The following MCM5 variants were observed in gnomAD, a reference collection of about 807,000 sequenced individuals.
The protein encoded by MCM5 is minichromosome maintenance complex component 5.
Under a neutral mutation model 79.9 loss-of-function variants are expected in MCM5, and 46 were observed. The ratio of observed to expected loss-of-function variants is 0.58; its 90% confidence interval spans 0.45 to 0.74. The LOEUF (loss-of-function observed/expected upper bound fraction) is 0.74, where lower values mean the gene tolerates loss of function less well. MCM5 is among the 30% of genes least tolerant of loss of function. MCM5 has a pLI of 0.00. For synonymous variants in MCM5, 404 were observed against 390.5 expected (o/e 1.03, Z -0.41); for missense variants, 883 against 1,017.0 (o/e 0.87, Z 1.79).
intron 16 of MCM5, 100 bp downstream of exon 16, chr22:35,423,441 C>A: frequency 7.4e-7 from 1 of 1,354,898 alleles, no homozygotes; most frequent in Non-Finnish European, 9.9e-7. Context: ...GCAGACAGGC[C>A]CTGAACGGGG....
chr22:35,430,647 C>T, the MCM5 span, among the ~76,000 whole-genome samples: 2 of 151,990 alleles, frequency 1.3e-5, no homozygotes, highest in Non-Finnish European at 2.9e-5. Context: ...GGACTACAGG[C>T]GCGTGCCACC....
In MCM5 at chr22:35,400,208, G is replaced by A. The variant is rs529028146; in HGVS notation, c.-9G>A. ...GGTTTGTGAAGTGCGGAAAACCAGAGGTGAGGCTAGTGGGAGTGGGACTGG... is the reference window on the plus strand; with the variant it reads ...GGTTTGTGAAGTGCGGAAAACCAGAAGTGAGGCTAGTGGGAGTGGGACTGG... On this transcript the variant is annotated splice_region_variant and 5_prime_UTR_variant, in exon 1 of 17. Transcript: ENST00000216122. The A allele has an allele frequency of 7.4e-5, 41 of 555,612 alleles. No homozygotes were observed. The highest frequency in any genetic ancestry group is 2.2e-4 in the Admixed American group (7 of 31,700). 34.4% of individuals were successfully genotyped at this position (555,612 alleles called of 1,614,324 possible).
chr22:35,439,063 T>TC, the MCM5 span, among the ~76,000 whole-genome samples: 1 of 108,394 alleles, frequency 9.2e-6, no homozygotes, highest in Non-Finnish European at 1.9e-5. Context: ...ACCCACATAT[T>TC]CATCCATCCA....
the MCM5 span, among the ~76,000 whole-genome samples, chr22:35,437,884 C>G: frequency 6.6e-6 from 1 of 152,146 alleles, no homozygotes; most frequent in Non-Finnish European, 1.5e-5. Flanking sequence ...AAGTGTCAAT[C>G]TAGTCCTATT....
chr22:35,420,123 T>G, intron 14 of MCM5, 111 bp downstream of exon 14: 1 of 1,294,680 alleles, frequency 7.7e-7, no homozygotes, highest in Non-Finnish European at 1.0e-6. Context: ...CACAGGCCCA[T>G]AGTAGCTCTG....
chr22:35,415,805 C>T (rs781364353), intron 9 of MCM5, 24 bp from the exon 10 acceptor site: 10 of 1,604,518 alleles, frequency 6.2e-6, no homozygotes, highest in Non-Finnish European at 7.7e-6. Flanking sequence ...GTTATTGGGC[C>T]CTGACACCAC....
At chr22:35,417,609 G>A (rs1352472159) in intron 12 of MCM5, 135 bp from the exon 13 acceptor site, 4 of 682,822 alleles carry the variant, frequency 5.9e-6, no homozygotes, top group South Asian at 3.3e-5. Context: ...GGCTGAGCAC[G>A]CCTGAGATCT....
At chr22:35,443,578 C>G in the MCM5 span, among the ~76,000 whole-genome samples, 2 of 152,230 alleles carry the variant, frequency 1.3e-5, no homozygotes, top group Non-Finnish European at 2.9e-5. Context: ...GAATCTTTTC[C>G]TGCCTGAACC....
the MCM5 span, among the ~76,000 whole-genome samples, chr22:35,451,034 C>T: frequency 1.3e-5 from 2 of 152,196 alleles, no homozygotes; most frequent in African/African-American, 2.4e-5. Context: ...TGGAGTCCTG[C>T]TGTCCTTTCT....
At chr22:35,403,368 TGCTC>T (rs1569063359) in intron 3 of MCM5, 35 bp downstream of exon 3, 1 of 1,614,086 alleles carries the variant, frequency 6.2e-7, no homozygotes, top group Admixed American at 1.7e-5. Context: ...TTCCCAGGGC[TGCTC>T]TGCCCCAGTT....
At position 35,408,280 on chromosome 22, in the gene MCM5, C is replaced by T. The variant is rs149146941; in HGVS notation, c.597-128C>T. ...GCAGCGTTGCCTGCCTGGCTTATCT[C>T]CAGCTTATTCTGGAGACCCCCATAA... On this transcript the variant is annotated intron_variant, in intron 5 of 16. Transcript: ENST00000216122. 1.0e-5 allele frequency: 8 copies of T among 796,362 alleles called. No individual in the cohort carries two copies. The African/African-American group carries it at 1.4e-4, about 14-fold the overall frequency. 49.3% of individuals were successfully genotyped at this position (796,362 alleles called of 1,614,324 possible). A position where few individuals can be genotyped will look rare whatever the true frequency, so the allele number is the denominator to read the frequency against.
At chr22:35,423,857 G>A (rs1448582606) in intron 16 of MCM5, 2 of 337,702 alleles carry the variant, frequency 5.9e-6, no homozygotes, top group Non-Finnish European at 5.4e-6. Context: ...TTAATGGGTG[G>A]TATCGTGTCT....
the MCM5 span, among the ~76,000 whole-genome samples, chr22:35,431,057 G>A: frequency 6.6e-6 from 1 of 152,172 alleles, no homozygotes; most frequent in Non-Finnish European, 1.5e-5. Context: ...GGCCTGCAGG[G>A]CCAGCTCTCC....
chr22:35,442,850 G>T, the MCM5 span, among the ~76,000 whole-genome samples: 3 of 152,256 alleles, frequency 2.0e-5, no homozygotes, highest in Non-Finnish European at 4.4e-5. Flanking sequence ...CCCCTGACAG[G>T]AGGCATCAGT....
Position 35,424,283 on chromosome 22 carries a change from C to G in MCM5, c.*28C>G. On this transcript the variant is annotated 3_prime_UTR_variant, in exon 17 of 17. Coordinates refer to ENST00000216122, the MANE Select transcript of MCM5 (RefSeq NM_006739.4). ...CGCGCCGCCTCACTGGACTCATGGACTCGCCCACGCCTCGCCCCTCCTGCC... is the reference window on the plus strand; with the variant it reads ...CGCGCCGCCTCACTGGACTCATGGAGTCGCCCACGCCTCGCCCCTCCTGCC... 2.7e-6 allele frequency: 4 copies of G among 1,478,446 alleles called. No homozygotes were observed. Among genetic ancestry groups the G allele is most frequent in the Non-Finnish European group, 3.7e-6 (4 of 1,089,854 alleles). The allele number at this position is 1,478,446 out of a possible 1,614,324, so 91.6% of individuals were successfully genotyped here.
the MCM5 span, among the ~76,000 whole-genome samples, chr22:35,435,482 C>T: frequency 1.3e-5 from 2 of 152,200 alleles, no homozygotes; most frequent in Non-Finnish European, 2.9e-5. Context: ...GCCACCGGGC[C>T]TTTCAGTGAG....
chr22:35,401,769 G>C, intron 2 of MCM5: 1 of 463,288 alleles, frequency 2.2e-6, no homozygotes, highest in Non-Finnish European at 4.5e-6. Context: ...GAGTCGTGAA[G>C]ACCAACAGAT....
chr22:35,419,939 A>G lies in MCM5; in HGVS notation c.1759A>G (p.Ile587Val), dbSNP rs775930432. The change falls in exon 14 of 17, where the codon ATC becomes GTC. Residue 587 changes from isoleucine (I) to valine (V), a missense_variant. Coordinates refer to ENST00000216122, the MANE Select transcript of MCM5 (RefSeq NM_006739.4). The part of the protein sequence containing the change: ...EAAEKLKNRY[I>V]IMRSGARQHE... ...TGCAGAGAAACTGAAGAACCGCTAC[A>G]TCATCATGCGGAGCGGGGCCCGTCA... 6.2e-7 allele frequency: 1 copy of G among 1,613,428 alleles called. No homozygotes were observed. The highest frequency in any genetic ancestry group is 2.2e-5 in the East Asian group (1 of 44,844).
the MCM5 span, among the ~76,000 whole-genome samples, chr22:35,432,279 T>G: frequency 6.6e-6 from 1 of 152,080 alleles, no homozygotes; most frequent in Non-Finnish European, 1.5e-5. Context: ...AAAGAACAAG[T>G]GCTCTGTGAT....
Sources: gnomAD v4.1 joint callset for allele counts (sites outside exome capture counted in the v4.1 genomes callset) on GRCh38, gnomAD v4.1.1 for gene constraint, MANE v1.5 for transcripts, NCBI Gene and HGNC (gene_info 2026-07-23, HGNC 2026-07-21) for gene names.